Variants in CARMIL2 observed in about 807,000 individuals in gnomAD.
The protein encoded by CARMIL2 is capping protein regulator and myosin 1 linker 2.
Under a neutral mutation model 173.3 loss-of-function variants are expected in CARMIL2, and 96 were observed. That is an observed-to-expected ratio of 0.55 (90% CI 0.47 to 0.66). The LOEUF (loss-of-function observed/expected upper bound fraction) is 0.66. CARMIL2 is among the 30% of genes least tolerant of loss of function. CARMIL2 has a pLI of 0.00. For synonymous variants in CARMIL2, 830 were observed against 817.1 expected (o/e 1.02, Z -0.27); for missense variants, 1,771 against 1,906.7 (o/e 0.93, Z 1.33).
rs768463862 is a variant in CARMIL2 at position 67,656,050 on chromosome 16, A to G, written c.3725A>G (p.Lys1242Arg). 6.2e-7 allele frequency: 1 copy of G among 1,602,182 alleles called. No individual in the cohort carries two copies. Among genetic ancestry groups the G allele is most frequent in the South Asian group, 1.1e-5 (1 of 89,216 alleles). ...CTGCAGAGCAAAGATGGCGAGATCA[A>G]GAAAGCTGGCTCAGATGGTAAGTGG... is the stretch of plus-strand genomic sequence containing the variant. ...KRKQSKDGEI[K>R]KAGSDGDIMD... is the part of the protein sequence containing the mutation. Residue 1242 changes from lysine (K) to arginine (R), a missense_variant, in exon 33 of 38, where the codon AAG becomes AGG. Physicochemically the swap from Lys to Arg is conservative, Grantham distance 26. Transcript: ENST00000334583.
In CARMIL2 at chr16:67,652,497, C is replaced by T; in HGVS notation, c.2843C>T (p.Pro948Leu). Residue 948 changes from proline (P) to leucine (L), a missense_variant, in exon 28 of 38, where the codon CCT becomes CTT. Coordinates refer to ENST00000334583, the MANE Select transcript of CARMIL2 (RefSeq NM_001013838.3). This position sits in a 1 kb window ranked among gnomAD's most constrained non-coding sequence, Gnocchi z 4.7. ...EKDDSPPQKW[P>L]ELSHGLHLVP... ...GATGACAGTCCTCCACAGAAATGGCCTGAGCTCAGCCACGGTCTTCACCTG... is the reference window on the plus strand; with the variant it reads ...GATGACAGTCCTCCACAGAAATGGCTTGAGCTCAGCCACGGTCTTCACCTG... 1 of 1,613,640 alleles carries T rather than the reference C, an allele frequency of 6.2e-7. No individual in the cohort carries two copies. Among genetic ancestry groups the T allele is most frequent in the Non-Finnish European group, 8.5e-7 (1 of 1,179,814 alleles).
At chr16:67,650,449 C>T (rs1049586387) in intron 22 of CARMIL2, 13 of 465,578 alleles carry the variant, frequency 2.8e-5, no homozygotes, top group African/African-American at 1.8e-4. Context: ...CTCACATATA[C>T]GTGACTCCCC....
rs138313198 is a variant in CARMIL2, at chr16:67,651,511, C to T, written c.2424C>T (p.Ile808=). The T allele has an allele frequency of 1.5e-5, 24 of 1,585,450 alleles. No individual in the cohort carries two copies. The African/African-American group carries it at 2.3e-4, about 15-fold the overall frequency. The part of the protein sequence containing the change: ...RQVGEVCRQD[I]QDFTQATLDT... ...TGGGCGAGGTCTGCCGCCAGGACATCCAGGTGAGAGGGTACTCCTGCCCCA... is the reference window on the plus strand; with the variant it reads ...TGGGCGAGGTCTGCCGCCAGGACATTCAGGTGAGAGGGTACTCCTGCCCCA... Residue 808 remains isoleucine (I), a synonymous_variant, in exon 24 of 38, where the codon ATC becomes ATT. Coordinates refer to ENST00000334583, the MANE Select transcript of CARMIL2 (RefSeq NM_001013838.3). This position sits in a 1 kb window ranked among gnomAD's most constrained non-coding sequence, Gnocchi z 4.2.
chr16:67,653,241 C>CG lies in CARMIL2; in HGVS notation c.3113dup (p.Gln1040ProfsTer45). On this transcript the variant is annotated frameshift_variant, in exon 29 of 38. Transcript: ENST00000334583. LOFTEE classifies it high-confidence loss of function. The surrounding 1 kb of genome is among the most constrained non-coding windows in gnomAD (Gnocchi z 7.4). The stretch of plus-strand genomic sequence containing the variant: ...CGCCAGCACCACCACCGCCCGCCGC[C>CG]GGGGGGCCCCCAGGTGAGCACCCTT... 2 of 1,140,128 alleles carry CG rather than the reference C, an allele frequency of 1.8e-6. No homozygotes were observed. The highest frequency in any genetic ancestry group is 2.2e-6 in the Non-Finnish European group (2 of 927,994). 70.6% of individuals were successfully genotyped at this position (1,140,128 alleles called of 1,614,324 possible).
Position 67,652,177 on chromosome 16 carries a change from C to T in CARMIL2, c.2677-22C>T. ...TCATGGCTGAGGCCCTACCTGCCAT[C>T]TTTGGCTGCTTGGTATTGCAGGTGG... On this transcript the variant is annotated intron_variant, in intron 26 of 37. Transcript: ENST00000334583. This position sits in a 1 kb window ranked among gnomAD's most constrained non-coding sequence, Gnocchi z 4.7. 1 of 1,609,316 alleles carries T rather than the reference C, an allele frequency of 6.2e-7. No homozygotes were observed. The highest frequency in any genetic ancestry group is 8.5e-7 in the Non-Finnish European group (1 of 1,178,508).
rs1309387010 is a variant in CARMIL2 at position 67,651,623 on chromosome 16, C to T, written c.2428-62C>T. On this transcript the variant is annotated intron_variant, in intron 24 of 37. Transcript: ENST00000334583. The surrounding 1 kb of genome is among the most constrained non-coding windows in gnomAD (Gnocchi z 4.2). ...CTCAATATTCTGTTGGAGTTGGAGC[C>T]TCAAGCCAGCAGCCTGGTGTCTGGC... 3 of 1,579,310 alleles carry T rather than the reference C, an allele frequency of 1.9e-6. No individual in the cohort carries two copies. The highest frequency in any genetic ancestry group is 2.7e-5 in the African/African-American group (2 of 74,188).
intron 1 of CARMIL2, 116 bp from the exon 2 acceptor site, chr16:67,645,423 TC>T: frequency 7.4e-7 from 1 of 1,349,854 alleles, no homozygotes; most frequent in Middle Eastern, 1.9e-4. Context: ...CCAGATCCTC[TC>T]CCCTCCTTCC....
chr16:67,656,616 A>T lies in CARMIL2; in HGVS notation c.4007A>T (p.Glu1336Val). Residue 1336 changes from glutamate to valine, a missense_variant, in exon 35 of 38, where the codon GAG (glutamate) becomes GTG (valine). Physicochemically the swap from Glu to Val is moderately radical, Grantham distance 121. Around this residue, in one of 3 missense-constraint regions of CARMIL2, gnomAD observed 817 missense variants for 903.5 expected, o/e 0.90. Coordinates refer to ENST00000334583, the MANE Select transcript of CARMIL2 (RefSeq NM_001013838.3). ...SPSPDSLGLP[E>V]DPCLGPRNED... ...TCCCCAGACAGCCTGGGCCTCCCAGAGGACCCTTGCTTGGGCCCCAGAAAT... is the reference window on the plus strand; with the variant it reads ...TCCCCAGACAGCCTGGGCCTCCCAGTGGACCCTTGCTTGGGCCCCAGAAAT... 1.2e-6 allele frequency: 2 copies of T among 1,602,426 alleles called. No individual in the cohort carries two copies. The highest frequency in any genetic ancestry group is 4.5e-5 in the East Asian group (2 of 44,706).
At position 67,647,404 on chromosome 16, in the gene CARMIL2, A is replaced by G; in HGVS notation, c.776+17A>G. On this transcript the variant is annotated intron_variant, in intron 10 of 37. Transcript: ENST00000334583. ...CCTGAGGGGGTGAGGGGGACAGGGC[A>G]GGGCTTGGAGAGGAGAGTCTGGAGG... The G allele has an allele frequency of 6.4e-7, 1 of 1,567,270 alleles. No homozygotes were observed. The highest frequency in any genetic ancestry group is 8.7e-7 in the Non-Finnish European group (1 of 1,155,818).
At chr16:67,647,030 C>A (rs1238930039) in intron 8 of CARMIL2, 57 bp downstream of exon 8, 2 of 1,605,990 alleles carry the variant, frequency 1.2e-6, no homozygotes, top group East Asian at 4.5e-5. Context: ...TATCCCTGGG[C>A]CTCAGTTTCT....
In CARMIL2 at chr16:67,646,585, TG is replaced by T. The variant is rs1422804119; in HGVS notation, c.466+75del. On this transcript the variant is annotated intron_variant, in intron 6 of 37. Transcript: ENST00000334583. The surrounding 1 kb of genome is among the most constrained non-coding windows in gnomAD (Gnocchi z 4.6). ...CCTCTGCCTCCCCAGACCCGCAAGC[TG>T]GGGGGGCCCCAAACTGAACAGAGCC... 1.7e-5 allele frequency: 27 copies of T among 1,585,492 alleles called. No individual in the cohort carries two copies. Among genetic ancestry groups the T allele is most frequent in the Middle Eastern group, 1.7e-4 (1 of 5,960 alleles).
At chr16:67,647,041 C>G (rs569472400) in intron 8 of CARMIL2, 68 bp downstream of exon 8, 2 of 1,607,024 alleles carry the variant, frequency 1.2e-6, no homozygotes, top group Non-Finnish European at 1.7e-6. Flanking sequence ...CTCAGTTTCT[C>G]CATGGAGGGG....
At position 67,652,401 on chromosome 16, in the gene CARMIL2, G is replaced by A. The variant is rs2052743359; in HGVS notation, c.2817+62G>A. The A allele has an allele frequency of 1.2e-6, 2 of 1,611,590 alleles. No individual in the cohort carries two copies. The highest frequency in any genetic ancestry group is 1.3e-5 in the African/African-American group (1 of 75,004). ...GTCTTCCCATCTTGCTGTGGAGTGT[G>A]GAAGGTGAAAGGCAGCTCTTTTGGG... On this transcript the variant is annotated intron_variant, in intron 27 of 37. Coordinates refer to ENST00000334583, the MANE Select transcript of CARMIL2 (RefSeq NM_001013838.3). This position sits in a 1 kb window ranked among gnomAD's most constrained non-coding sequence, Gnocchi z 4.7.
In CARMIL2 at chr16:67,657,169, AAG is replaced by A; in HGVS notation, c.4118-65_4118-64del. 7.3e-7 allele frequency: 1 copy of A among 1,378,036 alleles called. No individual in the cohort carries two copies. Among genetic ancestry groups the A allele is most frequent in the East Asian group, 2.4e-5 (1 of 41,380 alleles). 85.4% of individuals were successfully genotyped at this position (1,378,036 alleles called of 1,614,324 possible). On this transcript the variant is annotated intron_variant, in intron 36 of 37. Coordinates refer to ENST00000334583, the MANE Select transcript of CARMIL2 (RefSeq NM_001013838.3). The surrounding 1 kb of genome is among the most constrained non-coding windows in gnomAD (Gnocchi z 4.5). ...GCATGCTTATGTGCACTGGAGGTGG[AAG>A]AGAGGGGCAGGGGATGGACAGACCC...
chr16:67,656,403 C>T, intron 34 of CARMIL2, 21 bp from the exon 35 acceptor site: 1 of 1,608,848 alleles, frequency 6.2e-7, no homozygotes, highest in Non-Finnish European at 8.5e-7. Flanking sequence ...CAGGTCTTGG[C>T]TGACACCTTT....
intron 10 of CARMIL2, 31 bp from the exon 11 acceptor site, chr16:67,647,477 C>A: frequency 6.4e-7 from 1 of 1,574,658 alleles, no homozygotes; most frequent in Non-Finnish European, 8.6e-7. Context: ...AAACCAGGGG[C>A]AGAATCTCAT....
At chr16:67,645,433 C>A in intron 1 of CARMIL2, 107 bp from the exon 2 acceptor site, 3 of 1,364,088 alleles carry the variant, frequency 2.2e-6, no homozygotes, top group Admixed American at 2.0e-5. Context: ...TCCCCTCCTT[C>A]CTCGCTGGCC....
chr16:67,654,764 ATC>A lies in CARMIL2; in HGVS notation c.3583-10_3583-9del. ...GGCGCGGACTGTCTCCAACTCGAGCATCTCTGTCCCTAGCGGCGGCCCCTGGA... is the reference window on the plus strand; with the variant it reads ...GGCGCGGACTGTCTCCAACTCGAGCATCTGTCCCTAGCGGCGGCCCCTGGA... On this transcript the variant is annotated splice_polypyrimidine_tract_variant and intron_variant, in intron 31 of 37. Coordinates refer to ENST00000334583, the MANE Select transcript of CARMIL2 (RefSeq NM_001013838.3). The A allele has an allele frequency of 6.2e-7, 1 of 1,612,948 alleles. No individual in the cohort carries two copies.
chr16:67,648,324 A>G lies in CARMIL2; in HGVS notation c.1334+10A>G. On this transcript the variant is annotated intron_variant, in intron 14 of 37. Transcript: ENST00000334583. The surrounding 1 kb of genome is among the most constrained non-coding windows in gnomAD (Gnocchi z 6.1). Reference sequence around the variant, plus strand: ...ACGTCTTCTCCCGCACGTAAGGGGGACCTGTCGGGGCCGGGGGAGGCTGCT... The same window carrying G: ...ACGTCTTCTCCCGCACGTAAGGGGGGCCTGTCGGGGCCGGGGGAGGCTGCT... 1 of 1,581,754 alleles carries G rather than the reference A, an allele frequency of 6.3e-7. No homozygotes were observed. Among genetic ancestry groups the G allele is most frequent in the Non-Finnish European group, 8.5e-7 (1 of 1,172,138 alleles).
Sources: allele counts gnomAD v4.1 joint callset, GRCh38; gene constraint gnomAD v4.1.1; regional missense constraint gnomAD v4.1.1; non-coding constraint Gnocchi (gnomAD v3.1); transcripts MANE v1.5; gene names NCBI Gene and HGNC (gene_info 2026-07-23, HGNC 2026-07-21).